Variants in CHEK2 observed in about 807,000 individuals in gnomAD.
The protein encoded by CHEK2 is checkpoint kinase 2, also known as serine/threonine-protein kinase Chk2.
A neutral mutation model predicts 69.1 loss-of-function variants in CHEK2; 71 were observed. That is an observed-to-expected ratio of 1.03 (90% CI 0.85 to 1.25). The LOEUF (loss-of-function observed/expected upper bound fraction) is 1.25. Ranked by LOEUF, CHEK2 falls within the 50% of genes most tolerant of loss-of-function variation. CHEK2 has a pLI of 0.00. For missense variants in CHEK2, 664 were observed against 649.6 expected (o/e 1.02, Z -0.24); for synonymous variants, 189 against 226.9 (o/e 0.83, Z 1.50).
At chr22:28,695,558 G>T in intron 11 of CHEK2, 152 bp downstream of exon 11, 1 of 728,726 alleles carries the variant, frequency 1.4e-6, no homozygotes. Context: ...TCGGGAGGCT[G>T]AGGTGGGAGG....
At chr22:28,712,065 G>C (rs774190192) in intron 5 of CHEK2, 48 bp from the exon 6 acceptor site, 2 of 1,295,500 alleles carry the variant, frequency 1.5e-6, no homozygotes, top group South Asian at 1.2e-5. Flanking sequence ...TTTTAATTAT[G>C]AGACCTACCA....
intron 7 of CHEK2, among the ~76,000 whole-genome samples, chr22:28,708,211 C>A (rs2053230135): frequency 6.6e-6 from 1 of 151,982 alleles, no homozygotes; most frequent in Non-Finnish European, 1.5e-5. Flanking sequence ...TCTCTCCCAG[C>A]AGGGTATGGT....
chr22:28,734,704 A>G lies in CHEK2; in HGVS notation c.18T>C (p.Asp6=), dbSNP rs1555932937. Residue 6 remains aspartate (D), a synonymous_variant, in exon 2 of 15, where the codon GAT becomes GAC. Transcript: ENST00000404276. The part of the protein sequence containing the change: MSRES[D]VEAQQSHGSS... ...TGCCATGAGACTGCTGAGCCTCAAC[A>G]TCCGACTCCCGAGACATCACGACCT... The G allele has an allele frequency of 1.2e-6, 2 of 1,613,774 alleles. No homozygotes were observed. The highest frequency in any genetic ancestry group is 1.7e-6 in the Non-Finnish European group (2 of 1,180,016).
intron 13 of CHEK2, among the ~76,000 whole-genome samples, chr22:28,690,827 G>A (rs1344410747): frequency 6.7e-6 from 1 of 149,518 alleles, no homozygotes; most frequent in Non-Finnish European, 1.5e-5. Context: ...AAGGAAAAAG[G>A]GGAGGGGGGA....
intron 7 of CHEK2, among the ~76,000 whole-genome samples, chr22:28,709,316 G>A (rs1187037076): frequency 6.6e-6 from 1 of 152,122 alleles, no homozygotes; most frequent in Non-Finnish European, 1.5e-5. Flanking sequence ...CCAAATAAAA[G>A]GTATTCAAAA....
chr22:28,715,782 G>GT (rs943699892), intron 5 of CHEK2, among the ~76,000 whole-genome samples: 1 of 151,824 alleles, frequency 6.6e-6, no homozygotes, highest in African/African-American at 2.4e-5. Flanking sequence ...TTTGAGTTGA[G>GT]TTTCTATCAT....
chr22:28,704,409 T>C (rs1304909971), intron 7 of CHEK2, among the ~76,000 whole-genome samples: 1 of 152,058 alleles, frequency 6.6e-6, no homozygotes, highest in Non-Finnish European at 1.5e-5. Context: ...CTCAGCTCAC[T>C]GCAACCTCCG....
intron 2 of CHEK2, among the ~76,000 whole-genome samples, chr22:28,731,186 G>A (rs933373559): frequency 6.6e-6 from 1 of 152,108 alleles, no homozygotes; most frequent in Non-Finnish European, 1.5e-5. Flanking sequence ...CTGGATGACA[G>A]AGTGAGATCC....
chr22:28,720,387 A>G (rs1393308684), intron 4 of CHEK2, among the ~76,000 whole-genome samples: 1 of 151,588 alleles, frequency 6.6e-6, no homozygotes, highest in African/African-American at 2.4e-5. Flanking sequence ...CAATGTGCCC[A>G]GCCAAAAAAA....
rs1060502720 is a variant in CHEK2 at position 28,725,237 on chromosome 22, A to G, written c.444+6T>C. On this transcript the variant is annotated splice_donor_region_variant and intron_variant, in intron 3 of 14. Coordinates refer to ENST00000404276, the MANE Select transcript of CHEK2 (RefSeq NM_007194.4). ...TCTCCTAGATACATGGGTATTCATTACCTACCCTGAAAATCCGAAAGTGTT... is the reference window on the plus strand; with the variant it reads ...TCTCCTAGATACATGGGTATTCATTGCCTACCCTGAAAATCCGAAAGTGTT... 3 of 1,613,984 alleles carry G rather than the reference A, an allele frequency of 1.9e-6. No individual in the cohort carries two copies. Among genetic ancestry groups the G allele is most frequent in the Non-Finnish European group, 2.5e-6 (3 of 1,179,980 alleles).
Position 28,735,330 on chromosome 22 carries a change from C to T in CHEK2, c.-6-603G>A, listed in dbSNP as rs2054366828. ...CTGAGGCAGGAGAATCGCTTGAGCC[C>T]GGGAGGCAGAGGTTGCAGTGAACCA... On this transcript the variant is annotated intron_variant, in intron 1 of 14. Transcript: ENST00000404276. Among the ~76,000 whole-genome samples, 6 of 151,736 alleles carry T rather than the reference C, an allele frequency of 4.0e-5. No individual in the cohort carries two copies. In the South Asian group the frequency reaches 1.0e-3, roughly 26 times the overall value.
intron 2 of CHEK2, among the ~76,000 whole-genome samples, chr22:28,732,407 G>A (rs1423479623): frequency 2.0e-5 from 3 of 152,038 alleles, no homozygotes; most frequent in Non-Finnish European, 4.4e-5. Flanking sequence ...CACCACGCCT[G>A]GCCTAATTTT....
In CHEK2 at chr22:28,719,478, G is replaced by C. The variant is rs141685349; in HGVS notation, c.600C>G (p.Val200=). The change falls in exon 5 of 15, where the codon GTC becomes GTG. Residue 200 remains valine (V), a synonymous_variant. Coordinates refer to ENST00000404276, the MANE Select transcript of CHEK2 (RefSeq NM_007194.4). ...GATCATCTACAGTCAGATCAAAAAA[G>C]ACAAAAACTAAGGAAGAAAAGAGTA... is the stretch of plus-strand genomic sequence containing the variant. ...ALSLSRNKVF[V]FFDLTVDDQS... is the part of the protein sequence containing the mutation. 2.9e-5 allele frequency: 45 copies of C among 1,578,194 alleles called. No individual in the cohort carries two copies. The highest frequency in any genetic ancestry group is 1.7e-4 in the Middle Eastern group (1 of 5,876).
At chr22:28,731,799 A>C (rs2054225572) in intron 2 of CHEK2, among the ~76,000 whole-genome samples, 1 of 151,952 alleles carries the variant, frequency 6.6e-6, no homozygotes, top group African/African-American at 2.4e-5. Flanking sequence ...AAGAGCTGGG[A>C]TTACAGTTGA....
intron 7 of CHEK2, among the ~76,000 whole-genome samples, chr22:28,704,104 A>G (rs76856983): frequency 7.9e-6 from 1 of 127,144 alleles, no homozygotes; most frequent in Admixed American, 9.0e-5. Flanking sequence ...GGTCGGGGGC[A>G]GAGAGAGAGA....
Position 28,694,061 on chromosome 22 carries a change from C to T in CHEK2, c.1432G>A (p.Glu478Lys), listed in dbSNP as rs2145784977. ...AGCCACGGGTGTCTTAAGGCTTCTT[C>T]TGTCGTAAAACGTGCCTTTGGATCC... ...VVDPKARFTTEEALRHPWLQD... is the reference protein window; with the variant it reads ...VVDPKARFTTKEALRHPWLQD... The change falls in exon 13 of 15, where the codon GAA (glutamate) becomes AAA (lysine). Residue 478 changes from glutamate to lysine, a missense_variant. Transcript: ENST00000404276. 1.3e-6 allele frequency: 2 copies of T among 1,596,188 alleles called. No homozygotes were observed. Among genetic ancestry groups the T allele is most frequent in the East Asian group, 2.2e-5 (1 of 44,866 alleles).
intron 4 of CHEK2, among the ~76,000 whole-genome samples, chr22:28,724,189 C>T (rs377012215): frequency 1.3e-5 from 2 of 151,988 alleles, no homozygotes; most frequent in South Asian, 2.1e-4. Flanking sequence ...AGGCAGATCA[C>T]GAGGTCAGGA....
Position 28,712,035 on chromosome 22 carries a change from GA to G in CHEK2, c.684-19del, listed in dbSNP as rs1164522084. The G allele has an allele frequency of 6.4e-7, 1 of 1,557,952 alleles. No homozygotes were observed. The highest frequency in any genetic ancestry group is 2.2e-5 in the East Asian group (1 of 44,546). The stretch of plus-strand genomic sequence containing the variant: ...AGGCACCACTAGAGGGAAAAACAAA[GA>G]TAGTGATTGTCTGAATGTTTTTAAT... On this transcript the variant is annotated intron_variant, in intron 5 of 14. Coordinates refer to ENST00000404276, the MANE Select transcript of CHEK2 (RefSeq NM_007194.4).
chr22:28,728,929 G>T (rs1025829068), intron 2 of CHEK2, among the ~76,000 whole-genome samples: 1 of 151,954 alleles, frequency 6.6e-6, no homozygotes, highest in Non-Finnish European at 1.5e-5. Context: ...AGTGAAACGT[G>T]ATAGTGGGTA....
Sources: allele counts gnomAD v4.1 joint callset (sites outside exome capture counted in the v4.1 genomes callset), GRCh38; gene constraint gnomAD v4.1.1; transcripts MANE v1.5; gene names NCBI Gene and HGNC (gene_info 2026-07-23, HGNC 2026-07-21).